The following CFAP70 variants were observed in gnomAD, a reference collection of about 807,000 sequenced individuals.
CFAP70 encodes the protein cilia and flagella associated protein 70.
Under a neutral mutation model 137.6 loss-of-function variants are expected in CFAP70, and 81 were observed. That is an observed-to-expected ratio of 0.59 (90% CI 0.49 to 0.71). The LOEUF is 0.71. Among genes scored for constraint, CFAP70 ranks in the 30% least tolerant of loss-of-function variants. CFAP70 has a pLI of 0.00. For missense variants in CFAP70, 976 were observed against 1,226.7 expected (o/e 0.80, Z 3.05); for synonymous variants, 382 against 423.6 (o/e 0.90, Z 1.20).
intron 24 of CFAP70, among the ~76,000 whole-genome samples, chr10:73,270,377 CT>C (rs1466092642): frequency 2.6e-5 from 4 of 151,908 alleles, no homozygotes; most frequent in Admixed American, 6.6e-5. Context: ...TAAAGTAGCT[CT>C]TTTTTTCCTT....
chr10:73,277,311 A>C, exon 21 of CFAP70: 1 of 1,614,130 alleles, frequency 6.2e-7, no homozygotes, highest in South Asian at 1.1e-5. Flanking sequence ...GAAACACCAT[A>C]ATGAAGGCCG....
Position 73,312,490 on chromosome 10 carries a change from G to A in CFAP70, c.1066C>T (p.Pro356Ser), listed in dbSNP as rs776840989. 4 of 1,606,876 alleles carry A rather than the reference G, an allele frequency of 2.5e-6. No individual in the cohort carries two copies. The South Asian group carries it at 3.4e-5, about 14-fold the overall frequency. Residue 356 changes from proline to serine, a missense_variant, in exon 10 of 27, where the codon CCT (proline) becomes TCT (serine). Coordinates refer to ENST00000310715, the Ensembl canonical transcript of CFAP70. ...CAACCTACCACATCCCCAGGCCTAGGCCTTCCATCTATATCCTTTTCTTTC... is the reference window on the plus strand; with the variant it reads ...CAACCTACCACATCCCCAGGCCTAGACCTTCCATCTATATCCTTTTCTTTC...
chr10:73,264,455 A>T (rs1309762749), intron 25 of CFAP70, among the ~76,000 whole-genome samples: 1 of 152,224 alleles, frequency 6.6e-6, no homozygotes, highest in Admixed American at 6.5e-5. Context: ...ATGAGCTCTT[A>T]TCAGTATCTC....
At chr10:73,352,535 A>C (rs1178089852) in intron 3 of CFAP70, among the ~76,000 whole-genome samples, 1 of 152,140 alleles carries the variant, frequency 6.6e-6, no homozygotes, top group Non-Finnish European at 1.5e-5. Flanking sequence ...CTTCAGCAAG[A>C]AGTATGGGAT....
chr10:73,324,380 TG>T (rs2051176501), intron 8 of CFAP70, among the ~76,000 whole-genome samples: 1 of 151,834 alleles, frequency 6.6e-6, no homozygotes, highest in Non-Finnish European at 1.5e-5. Flanking sequence ...ACCACAAAGA[TG>T]GGGAAAAAAC....
chr10:73,310,150 C>T lies in CFAP70; in HGVS notation c.1256+8G>A. 6.3e-7 allele frequency: 1 copy of T among 1,597,370 alleles called. No homozygotes were observed. ...TACAAAACTAGTATAAGCACCATAG[C>T]TACAAACCTTCTGGCTAGCTCCTCT... On this transcript the variant is annotated splice_region_variant and intron_variant, in intron 12 of 26. Transcript: ENST00000310715.
chr10:73,286,182 C>T (rs1031724238), intron 19 of CFAP70, among the ~76,000 whole-genome samples: 7 of 152,214 alleles, frequency 4.6e-5, no homozygotes, highest in South Asian at 4.1e-4. Context: ...CGGTGGCTCA[C>T]GCCTGTAATC....
chr10:73,308,355 A>C (rs963189333), intron 12 of CFAP70, among the ~76,000 whole-genome samples: 2 of 152,064 alleles, frequency 1.3e-5, no homozygotes, highest in South Asian at 2.1e-4. Flanking sequence ...ATGGCTGAGC[A>C]TGATGGCTCA....
chr10:73,300,982 T>C (rs1188100682), intron 12 of CFAP70, among the ~76,000 whole-genome samples: 2 of 152,196 alleles, frequency 1.3e-5, no homozygotes, highest in Non-Finnish European at 2.9e-5. Flanking sequence ...GAGCTTACAT[T>C]CTAGTAGGGA....
At chr10:73,278,370 C>T (rs767198266) in intron 19 of CFAP70, 33 bp from the exon 21 acceptor site, 1 of 1,573,060 alleles carries the variant, frequency 6.4e-7, no homozygotes, top group East Asian at 2.2e-5. Flanking sequence ...AAAAATAAAA[C>T]TTCTTACATT....
Position 73,275,849 on chromosome 10 carries a change from T to C in CFAP70, c.2521-251A>G. ...CTTGCAATATTGTACAATTCTGGTC[T>C]TGCTGGTCATCATACTAGGTGAGTG... On this transcript the variant is annotated intron_variant, in intron 21 of 26. Transcript: ENST00000310715. The surrounding 1 kb of genome is among the most constrained non-coding windows in gnomAD (Gnocchi z 4.0). The C allele has an allele frequency of 3.3e-6, 1 of 306,604 alleles. No homozygotes were observed. The highest frequency in any genetic ancestry group is 7.9e-5 in the South Asian group (1 of 12,616). 19.0% of individuals were successfully genotyped at this position (306,604 alleles called of 1,614,324 possible). A position where few individuals can be genotyped will look rare whatever the true frequency, so the allele number is the denominator to read the frequency against.
chr10:73,269,503 C>T, intron 25 of CFAP70, 111 bp downstream of exon 26: 1 of 697,864 alleles, frequency 1.4e-6, no homozygotes, highest in Non-Finnish European at 2.5e-6. Context: ...ACACCTAGAG[C>T]TTATCAGATT....
chr10:73,318,646 T>C (rs956177497), intron 9 of CFAP70, among the ~76,000 whole-genome samples: 2 of 152,174 alleles, frequency 1.3e-5, no homozygotes, highest in African/African-American at 2.4e-5. Flanking sequence ...ACAAATTTAG[T>C]CACTTGCCTG....
In CFAP70 at chr10:73,327,253, A is replaced by T. The variant is rs374924315; in HGVS notation, c.777+3924T>A. The stretch of plus-strand genomic sequence containing the variant: ...GACAAAAACCACATGATTATCTCAA[A>T]AGATGCAGAAAAGGCCTTTGACAAA... On this transcript the variant is annotated intron_variant, in intron 8 of 26. Transcript: ENST00000310715. Among the ~76,000 whole-genome samples, 269 of 148,010 alleles carry T rather than the reference A, an allele frequency of 1.8e-3. 2 individuals carry two copies. The highest frequency in any genetic ancestry group is 5.4e-3 in the African/African-American group (211 of 38,830).
At chr10:73,336,689 T>C (rs573757025) in intron 6 of CFAP70, among the ~76,000 whole-genome samples, 2 of 149,962 alleles carry the variant, frequency 1.3e-5, no homozygotes, top group Non-Finnish European at 3.0e-5. Flanking sequence ...GTTCACGCCA[T>C]TCTCCTGCCT....
At chr10:73,352,919 CA>C (rs1172138738) in intron 3 of CFAP70, among the ~76,000 whole-genome samples, 3 of 151,902 alleles carry the variant, frequency 2.0e-5, no homozygotes, top group African/African-American at 7.3e-5. Flanking sequence ...TTTAAATTTC[CA>C]AATAGCTTTT....
chr10:73,333,351 T>C (rs1352908640), intron 7 of CFAP70, among the ~76,000 whole-genome samples: 1 of 151,838 alleles, frequency 6.6e-6, no homozygotes, highest in Non-Finnish European at 1.5e-5. Context: ...TTTGAAGTAA[T>C]AATAGCTAAG....
chr10:73,299,533 G>T, intron 13 of CFAP70, 72 bp downstream of exon 14: 2 of 1,243,864 alleles, frequency 1.6e-6, no homozygotes, highest in East Asian at 2.3e-5. Context: ...ATATTAAAGA[G>T]TCCATGCAAT....
At chr10:73,291,110 G>T in intron 19 of CFAP70, 116 bp downstream of exon 20, 1 of 835,670 alleles carries the variant, frequency 1.2e-6, no homozygotes, top group Non-Finnish European at 1.9e-6. Context: ...GAACTCCTGG[G>T]CTCAAGTGAT....
Sources: allele counts gnomAD v4.1 joint callset (sites outside exome capture counted in the v4.1 genomes callset), GRCh38; gene constraint gnomAD v4.1.1; non-coding constraint Gnocchi (gnomAD v3.1); transcripts MANE v1.5; gene names NCBI Gene and HGNC (gene_info 2026-07-23, HGNC 2026-07-21).